The following SLC12A2 variants were observed in gnomAD, a reference collection of about 807,000 sequenced individuals.
SLC12A2 encodes solute carrier family 12 member 2.
In SLC12A2, 67 loss-of-function variants were observed where a neutral mutation model predicts 136.3. That is an observed-to-expected ratio of 0.49 (90% CI 0.40 to 0.60). The LOEUF (loss-of-function observed/expected upper bound fraction) is 0.60, where lower values mean the gene tolerates loss of function less well. Among genes scored for constraint, SLC12A2 ranks in the 20% least tolerant of loss-of-function variants. SLC12A2 has a pLI of 0.00. For missense variants in SLC12A2, 1,322 were observed against 1,534.7 expected, an observed-to-expected ratio of 0.86 and a Z score of 2.32; for synonymous variants, 619 against 562.9, an observed-to-expected ratio of 1.10 and a Z score of -1.41.
chr5:128,109,566 C>T (rs940499110), intron 1 of SLC12A2: 74 of 703,282 alleles, frequency 1.1e-4, no homozygotes, highest in South Asian at 7.6e-4. Context: ...CAGCTGAGTC[C>T]GGAGAAGAGC....
Position 128,084,230 on chromosome 5 carries a change from G to A in SLC12A2, c.276G>A (p.Arg92=). The part of the protein sequence containing the change: ...QVDLVSENAG[R]AAAAAAAAAA... ...ACCTGGTTTCCGAGAACGCCGGGCGGGCCGCTGCTGCGGCGGCGGCGGCGG... is the reference window on the plus strand; with the variant it reads ...ACCTGGTTTCCGAGAACGCCGGGCGAGCCGCTGCTGCGGCGGCGGCGGCGG... Residue 92 remains arginine, a synonymous_variant, in exon 1 of 27, where the codon CGG becomes CGA. Transcript: ENST00000262461. The surrounding 1 kb of genome is among the most constrained non-coding windows in gnomAD (Gnocchi z 5.6). The A allele has an allele frequency of 7.8e-7, 1 of 1,276,922 alleles. No homozygotes were observed. The highest frequency in any genetic ancestry group is 9.8e-7 in the Non-Finnish European group (1 of 1,021,886). The allele number at this position is 1,276,922 out of a possible 1,614,324, so 79.1% of individuals were successfully genotyped here. A position where few individuals can be genotyped will look rare whatever the true frequency, so the allele number is the denominator to read the frequency against.
rs111932450 is a variant in SLC12A2 at position 128,114,817 on chromosome 5, C to T, written c.1048+136C>T. On this transcript the variant is annotated intron_variant, in intron 4 of 26. Transcript: ENST00000262461. Reference sequence around the variant, plus strand: ...TATAGACAAGAAAGTTGCTACCGAGCACTTCCAGACTAGTATATTTCAATG... The same window carrying T: ...TATAGACAAGAAAGTTGCTACCGAGTACTTCCAGACTAGTATATTTCAATG... 4.9e-3 allele frequency: 2,874 copies of T among 588,366 alleles called. 57 individuals are homozygous for T. The highest frequency in any genetic ancestry group is 0.043 in the African/African-American group (2,320 of 53,398). The allele number at this position is 588,366 out of a possible 1,614,324, so 36.4% of individuals were successfully genotyped here.
At chr5:128,155,727 G>A (rs1364122830) in intron 15 of SLC12A2, among the ~76,000 whole-genome samples, 2 of 152,086 alleles carry the variant, frequency 1.3e-5, no homozygotes. Context: ...AGGGAAGTTC[G>A]GCATTGGTAA....
intron 12 of SLC12A2, among the ~76,000 whole-genome samples, chr5:128,149,114 G>A (rs1321952950): frequency 6.6e-6 from 1 of 151,716 alleles, no homozygotes; most frequent in Non-Finnish European, 1.5e-5. Flanking sequence ...AAACAAATAT[G>A]ATAATGGCAT....
intron 4 of SLC12A2, among the ~76,000 whole-genome samples, chr5:128,124,559 A>G (rs1204828384): frequency 1.3e-5 from 2 of 152,196 alleles, no homozygotes; most frequent in East Asian, 1.9e-4. Flanking sequence ...GAGCCAAATA[A>G]AAGAGTTGAG....
intron 1 of SLC12A2, among the ~76,000 whole-genome samples, chr5:128,112,237 T>C (rs1319430107): frequency 6.6e-6 from 1 of 152,186 alleles, no homozygotes; most frequent in East Asian, 1.9e-4. Context: ...AACCAGTACA[T>C]GTCTGAGTCT....
At chr5:128,120,635 C>A (rs1470401701) in intron 4 of SLC12A2, among the ~76,000 whole-genome samples, 2 of 151,484 alleles carry the variant, frequency 1.3e-5, no homozygotes, top group African/African-American at 4.9e-5. Flanking sequence ...TGCATGTTCT[C>A]ACTCATAGAT....
chr5:128,126,396 A>T (rs1023823756), intron 4 of SLC12A2, among the ~76,000 whole-genome samples: 7 of 152,202 alleles, frequency 4.6e-5, no homozygotes, highest in African/African-American at 1.7e-4. Flanking sequence ...GCTGGAGAGG[A>T]TGTGGAGAAA....
chr5:128,124,186 A>G (rs1186404791), intron 4 of SLC12A2, among the ~76,000 whole-genome samples: 3 of 152,204 alleles, frequency 2.0e-5, no homozygotes, highest in Non-Finnish European at 4.4e-5. Flanking sequence ...GGTAATAGCA[A>G]TACTACTAGG....
At position 128,109,849 on chromosome 5, in the gene SLC12A2, AT is replaced by A. The variant is rs1761080688; in HGVS notation, c.757-2964del. On this transcript the variant is annotated intron_variant, in intron 1 of 26. Transcript: ENST00000262461. ...AATTCCAAGGTCAAGATGTGGCCAA[AT>A]CCCCATGTATTTTAAAAGAGCCAGT... 5.1e-6 allele frequency: 4 copies of A among 786,286 alleles called. No homozygotes were observed. In the Admixed American group the frequency reaches 6.8e-5, roughly 13 times the overall value. The allele number at this position is 786,286 out of a possible 1,614,324, so 48.7% of individuals were successfully genotyped here.
At chr5:128,124,557 TAA>T (rs1326336969) in intron 4 of SLC12A2, among the ~76,000 whole-genome samples, 3 of 152,212 alleles carry the variant, frequency 2.0e-5, no homozygotes, top group Middle Eastern at 3.4e-3. Context: ...AAGAGCCAAA[TAA>T]AAGAGTTGAG....
At chr5:128,182,179 ATC>A (rs1289058301) in intron 23 of SLC12A2, among the ~76,000 whole-genome samples, 1 of 152,132 alleles carries the variant, frequency 6.6e-6, no homozygotes, top group Non-Finnish European at 1.5e-5. Context: ...CCTATAGCAG[ATC>A]TGTTTTCTCA....
intron 15 of SLC12A2, among the ~76,000 whole-genome samples, chr5:128,153,818 C>T (rs1361160948): frequency 6.6e-6 from 1 of 151,932 alleles, no homozygotes; most frequent in East Asian, 1.9e-4. Flanking sequence ...CTTTTGAATT[C>T]CCCCCTTCCT....
In SLC12A2 at chr5:128,083,908, C is replaced by A. The variant is rs1759898980; in HGVS notation, c.-47C>A. The A allele has an allele frequency of 7.4e-6, 9 of 1,211,864 alleles. No individual in the cohort carries two copies. The highest frequency in any genetic ancestry group is 8.7e-5 in the Admixed American group (2 of 22,994). 75.1% of individuals were successfully genotyped at this position (1,211,864 alleles called of 1,614,324 possible). A position where few individuals can be genotyped will look rare whatever the true frequency, so the allele number is the denominator to read the frequency against. ...GCCAGGGGTGTGGAGGGCGTGCTGC[C>A]GGAGACGTCCGCCGGGCTCTGCAGT... On this transcript the variant is annotated 5_prime_UTR_variant, in exon 1 of 27. Transcript: ENST00000262461.
intron 1 of SLC12A2, among the ~76,000 whole-genome samples, chr5:128,102,814 TTTCACC>T (rs1249072638): frequency 6.6e-6 from 1 of 151,120 alleles, no homozygotes; most frequent in Non-Finnish European, 1.5e-5. Flanking sequence ...TGAAATGGAG[TTTCACC>T]TTTGTTGCCC....
intron 1 of SLC12A2, among the ~76,000 whole-genome samples, chr5:128,091,060 A>T (rs1467873051): frequency 6.6e-6 from 1 of 152,112 alleles, no homozygotes; most frequent in Non-Finnish European, 1.5e-5. Context: ...AAGGCAGGAA[A>T]CCAGTTAGAA....
chr5:128,119,237 C>A (rs996786107), intron 4 of SLC12A2, among the ~76,000 whole-genome samples: 3 of 152,032 alleles, frequency 2.0e-5, no homozygotes, highest in Non-Finnish European at 2.9e-5. Flanking sequence ...AGAGTGATGT[C>A]TGGTGAACCC....
At chr5:128,126,395 G>A (rs1412685693) in intron 4 of SLC12A2, among the ~76,000 whole-genome samples, 1 of 152,154 alleles carries the variant, frequency 6.6e-6, no homozygotes, top group African/African-American at 2.4e-5. Flanking sequence ...TGCTGGAGAG[G>A]ATGTGGAGAA....
chr5:128,126,968 T>TATATATATATAA (rs1761831735), intron 4 of SLC12A2, among the ~76,000 whole-genome samples: 1 of 54,390 alleles, frequency 1.8e-5, no homozygotes, highest in Non-Finnish European at 3.3e-5. Flanking sequence ...ATATATATAT[T>TATATATATATAA]TTTTTTTTTT....
Sources: gnomAD v4.1 joint callset for allele counts (sites outside exome capture counted in the v4.1 genomes callset) on GRCh38, gnomAD v4.1.1 for gene constraint, Gnocchi (gnomAD v3.1) non-coding constraint, MANE v1.5 for transcripts, NCBI Gene and HGNC (gene_info 2026-07-23, HGNC 2026-07-21) for gene names.